The following MOV10 variants were observed in gnomAD, a reference collection of about 807,000 sequenced individuals.
MOV10 encodes RNA helicase MOV-10.
Under a neutral mutation model 108.4 loss-of-function variants are expected in MOV10, and 39 were observed. The observed-to-expected ratio is 0.36, with a 90% CI of 0.28 to 0.47. The LOEUF (loss-of-function observed/expected upper bound fraction) is 0.47. Ranked by LOEUF, MOV10 falls within the 20% of genes least tolerant of loss-of-function variation. MOV10 has a pLI of 1.00. For missense variants in MOV10, 952 were observed against 1,297.6 expected (o/e 0.73, Z 4.09); for synonymous variants, 490 against 523.1 (o/e 0.94, Z 0.86).
intron 7 of MOV10, 120 bp from the exon 8 acceptor site, chr1:112,693,898 G>A (rs1673821687): frequency 1.3e-6 from 1 of 782,446 alleles, no homozygotes; most frequent in Non-Finnish European, 2.1e-6. Context: ...ATAACTCCCT[G>A]AGTCTTAGGT....
At chr1:112,692,408 G>C (rs1300479068) in intron 6 of MOV10, among the ~76,000 whole-genome samples, 2 of 152,210 alleles carry the variant, frequency 1.3e-5, no homozygotes, top group African/African-American at 2.4e-5. Flanking sequence ...TTTGCAGAAG[G>C]CCAGTTAGTC....
chr1:112,693,964 G>A, intron 7 of MOV10, 54 bp from the exon 8 acceptor site: 1 of 1,578,244 alleles, frequency 6.3e-7, no homozygotes, highest in South Asian at 1.1e-5. Flanking sequence ...TGGGGGCTGG[G>A]CCCTCCAGCG....
At position 112,680,528 on chromosome 1, in the gene MOV10, C is replaced by T. The variant is rs532336251; in HGVS notation, c.137+5479C>T. 9.4e-4 allele frequency among the ~76,000 whole-genome samples: 140 copies of T among 149,108 alleles called. 1 individual carries two copies. The highest frequency in any genetic ancestry group is 3.3e-3 in the African/African-American group (132 of 40,506). ...AAAATTAGCTGGGCGTGGTGGCGGG[C>T]GCCTGTAGTCCCAGCTACTCAGGAG... On this transcript the variant is annotated intron_variant, in intron 2 of 20. Coordinates refer to ENST00000369645, the MANE Select transcript of MOV10 (RefSeq NM_001321324.2).
At chr1:112,699,409 C>CA in intron 17 of MOV10, 1 of 1,224,632 alleles carries the variant, frequency 8.2e-7, no homozygotes, top group Non-Finnish European at 1.0e-6. Context: ...GTTTGAAAGT[C>CA]ACTGCTCTGA....
Position 112,698,279 on chromosome 1 carries a change from A to AT in MOV10, c.2317-7dup. 6.2e-7 allele frequency: 1 copy of AT among 1,611,042 alleles called. No homozygotes were observed. The highest frequency in any genetic ancestry group is 2.2e-5 in the East Asian group (1 of 44,826). On this transcript the variant is annotated splice_polypyrimidine_tract_variant and splice_region_variant and intron_variant, in intron 15 of 20. Transcript: ENST00000369645. ...CTGGCTGACGGTTTCCCCCGACCCC[A>AT]TGTCCAGGGCTTTCCCATCATCTTT...
chr1:112,676,128 C>A (rs756446233), intron 2 of MOV10, among the ~76,000 whole-genome samples: 1 of 152,178 alleles, frequency 6.6e-6, no homozygotes, highest in African/African-American at 2.4e-5. Flanking sequence ...TGAACAACAT[C>A]TGAGAAGGGG....
intron 6 of MOV10, 72 bp from the exon 7 acceptor site, chr1:112,692,689 C>A: frequency 6.3e-7 from 1 of 1,575,104 alleles, no homozygotes; most frequent in South Asian, 1.2e-5. Context: ...AAGGTGGATA[C>A]TCCTGGGCAT....
chr1:112,691,920 A>G, intron 6 of MOV10, 121 bp downstream of exon 6: 5 of 1,070,526 alleles, frequency 4.7e-6, no homozygotes, highest in South Asian at 1.5e-5. Context: ...CTTACTGAGC[A>G]CGCACCATAC....
chr1:112,698,359 C>T lies in MOV10; in HGVS notation c.2389C>T (p.Pro797Ser). 6.2e-7 allele frequency: 1 copy of T among 1,614,192 alleles called. No homozygotes were observed. The highest frequency in any genetic ancestry group is 8.5e-7 in the Non-Finnish European group (1 of 1,180,018). Residue 797 changes from proline to serine, a missense_variant, in exon 16 of 21, where the codon CCT becomes TCT. Around this residue, in one of 5 missense-constraint regions of MOV10, gnomAD observed 453 missense variants for 611.5 expected, o/e 0.74. Coordinates refer to ENST00000369645, the MANE Select transcript of MOV10 (RefSeq NM_001321324.2). ...REGNSPSFFN[P>S]EEAATVTSYL... ...AGGCAACAGCCCATCCTTCTTCAAC[C>T]CTGAAGAGGCTGCCACAGTGACTTC...
intron 5 of MOV10, among the ~76,000 whole-genome samples, chr1:112,690,331 G>A (rs1302231170): frequency 6.6e-6 from 1 of 152,222 alleles, no homozygotes; most frequent in Non-Finnish European, 1.5e-5. Context: ...TTATCAGGCA[G>A]ATCATTGTAG....
rs1220287180 is a variant in MOV10, at chr1:112,675,887, G to A, written c.137+838G>A. Reference sequence around the variant, plus strand: ...TGTACAAATAAACATAAGGTAGTGGGAATCTGGGCTTAATAACAGACCTCC... The same window carrying A: ...TGTACAAATAAACATAAGGTAGTGGAAATCTGGGCTTAATAACAGACCTCC... On this transcript the variant is annotated intron_variant, in intron 2 of 20. Transcript: ENST00000369645. This position sits in a 1 kb window ranked among gnomAD's most constrained non-coding sequence, Gnocchi z 4.7. 6.6e-6 allele frequency among the ~76,000 whole-genome samples: 1 copy of A among 152,212 alleles called. No homozygotes were observed. Among genetic ancestry groups the A allele is most frequent in the Non-Finnish European group, 1.5e-5 (1 of 68,036 alleles).
chr1:112,690,360 G>GT (rs1673471364), intron 5 of MOV10, among the ~76,000 whole-genome samples: 1 of 152,096 alleles, frequency 6.6e-6, no homozygotes, highest in African/African-American at 2.4e-5. Flanking sequence ...GTTTTGTTTT[G>GT]TTTTTTGTTT....
intron 2 of MOV10, among the ~76,000 whole-genome samples, chr1:112,688,012 C>T (rs1673221472): frequency 6.6e-6 from 1 of 152,082 alleles, no homozygotes; most frequent in Non-Finnish European, 1.5e-5. Flanking sequence ...AGTTCTTATG[C>T]TGCCTCCTGG....
Position 112,698,475 on chromosome 1 carries a change from A to G in MOV10, c.2505A>G (p.Lys835=). 1.2e-6 allele frequency: 2 copies of G among 1,613,788 alleles called. No homozygotes were observed. Among genetic ancestry groups the G allele is most frequent in the South Asian group, 1.1e-5 (1 of 91,074 alleles). The change falls in exon 16 of 21, where the codon AAA becomes AAG. Residue 835 remains lysine, a synonymous_variant. Transcript: ENST00000369645. ...RSVGVISPYR[K]QVEKIRYCIT... The stretch of plus-strand genomic sequence containing the variant: ...TGGGCGTCATCTCCCCGTACCGGAA[A>G]CAGGTCAGGTCCTCAGTTACCAGCA...
chr1:112,683,081 G>A (rs1672796119), intron 2 of MOV10, among the ~76,000 whole-genome samples: 1 of 151,630 alleles, frequency 6.6e-6, no homozygotes, highest in African/African-American at 2.4e-5. Flanking sequence ...CACAACGCCT[G>A]GCTAATTTTT....
Position 112,677,795 on chromosome 1 carries a change from CTT to C in MOV10, c.137+2748_137+2749del, listed in dbSNP as rs559343732. Among the ~76,000 whole-genome samples, 507 of 152,234 alleles carry C rather than the reference CTT, an allele frequency of 3.3e-3. 2 individuals are homozygous for C. Among genetic ancestry groups the C allele is most frequent in the Non-Finnish European group, 5.1e-3 (346 of 68,020 alleles). On this transcript the variant is annotated intron_variant, in intron 2 of 20. Transcript: ENST00000369645. Reference sequence around the variant, plus strand: ...AGCGGGGGGTATAGCAAGTCACACTCTTTAGGAATTCTAGGAGATTCCTACAC... The same window carrying C: ...AGCGGGGGGTATAGCAAGTCACACTCTAGGAATTCTAGGAGATTCCTACAC...
intron 3 of MOV10, 25 bp downstream of exon 3, chr1:112,689,163 G>T: frequency 6.4e-7 from 1 of 1,567,304 alleles, no homozygotes. Context: ...TATGTTGTGT[G>T]TACGGGGAGG....
At chr1:112,679,320 A>G (rs1672443861) in intron 2 of MOV10, among the ~76,000 whole-genome samples, 1 of 152,144 alleles carries the variant, frequency 6.6e-6, no homozygotes. Context: ...ACAAGAGGCC[A>G]AGTGTGGTTG....
intron 10 of MOV10, 25 bp from the exon 11 acceptor site, chr1:112,695,391 C>T: frequency 1.9e-6 from 3 of 1,610,734 alleles, no homozygotes; most frequent in Non-Finnish European, 2.5e-6. Context: ...ACCTGCCTCC[C>T]ACACTGCGCT....
Sources: gnomAD v4.1 joint callset for allele counts (sites outside exome capture counted in the v4.1 genomes callset) on GRCh38, gnomAD v4.1.1 for gene constraint, gnomAD v4.1.1 regional missense constraint, Gnocchi (gnomAD v3.1) non-coding constraint, MANE v1.5 for transcripts, NCBI Gene and HGNC (gene_info 2026-07-23, HGNC 2026-07-21) for gene names.